Variants in ERICH6B observed in about 807,000 individuals in gnomAD.
The protein encoded by ERICH6B is glutamate rich 6B, also known as glutamate-rich protein 6B.
In ERICH6B, 69 loss-of-function variants were observed where a neutral mutation model predicts 80.0. The ratio of observed to expected loss-of-function variants is 0.86; its 90% CI spans 0.71 to 1.05. The LOEUF (loss-of-function observed/expected upper bound fraction) is 1.05. Ranked by LOEUF, ERICH6B falls within the 50% of genes least tolerant of loss-of-function variation. The pLI, the probability that ERICH6B is intolerant of heterozygous loss-of-function variation, is 0.00. For synonymous variants in ERICH6B, 283 were observed against 291.9 expected (o/e 0.97, Z 0.31); for missense variants, 754 against 796.1 (o/e 0.95, Z 0.64).
At chr13:45,599,085 T>C (rs1041171843) in intron 2 of ERICH6B, among the ~76,000 whole-genome samples, 14 of 152,360 alleles carry the variant, frequency 9.2e-5, no homozygotes, top group African/African-American at 3.4e-4. Context: ...CAGTTGCATC[T>C]CAGCAGTTTG....
intron 8 of ERICH6B, among the ~76,000 whole-genome samples, chr13:45,571,788 A>G (rs1318516305): frequency 6.6e-6 from 1 of 152,186 alleles, no homozygotes; most frequent in Non-Finnish European, 1.5e-5. Context: ...CTTTACAGCC[A>G]GGGGAAATGT....
At chr13:45,550,453 C>T (rs932545599) in intron 11 of ERICH6B, 137 bp from the exon 12 acceptor site, 13 of 652,680 alleles carry the variant, frequency 2.0e-5, no homozygotes, top group African/African-American at 1.8e-4. Context: ...TGGGGAGCTG[C>T]GGGGCTTCAG....
intron 3 of ERICH6B, 128 bp from the exon 4 acceptor site, chr13:45,590,825 T>C: frequency 2.8e-6 from 2 of 707,354 alleles, no homozygotes; most frequent in South Asian, 2.0e-5. Context: ...TTTTCTTTAG[T>C]ATTGTCTCTT....
At chr13:45,603,213 C>T (rs1008484294) in intron 2 of ERICH6B, among the ~76,000 whole-genome samples, 5 of 152,224 alleles carry the variant, frequency 3.3e-5, no homozygotes, top group Non-Finnish European at 7.3e-5. Context: ...GTGGCTTGGA[C>T]AATGCCCACC....
At chr13:45,587,565 T>C (rs1427156813) in intron 4 of ERICH6B, among the ~76,000 whole-genome samples, 1 of 152,226 alleles carries the variant, frequency 6.6e-6, no homozygotes. Flanking sequence ...TTCTAGTGCC[T>C]TTCCCTACCT....
rs962311722 is a variant in ERICH6B, at chr13:45,597,085, A to T, written c.-58-22T>A. ...TATCCTGTATCCAAGAAAGGAATAA[A>T]ATCCTATTAGCCAGTAATAGCAAAT... On this transcript the variant is annotated intron_variant, in intron 2 of 14. Coordinates refer to ENST00000298738, the MANE Select transcript of ERICH6B (RefSeq NM_182542.3). 3.5e-6 allele frequency: 5 copies of T among 1,423,148 alleles called. No homozygotes were observed. In the African/African-American group the frequency reaches 7.2e-5, roughly 21 times the overall value. 88.2% of individuals were successfully genotyped at this position (1,423,148 alleles called of 1,614,324 possible).
chr13:45,563,709 T>C lies in ERICH6B; in HGVS notation c.1249+18A>G, dbSNP rs930811257. 3.2e-6 allele frequency: 5 copies of C among 1,548,000 alleles called. No homozygotes were observed. The highest frequency in any genetic ancestry group is 2.4e-5 in the East Asian group (1 of 40,922). On this transcript the variant is annotated intron_variant, in intron 10 of 14. Transcript: ENST00000298738. ...AGGAGAGCCAGCACGTGGTGGAAAATGGTGGAGTGGTGCCTACCTTCACGT... is the reference window on the plus strand; with the variant it reads ...AGGAGAGCCAGCACGTGGTGGAAAACGGTGGAGTGGTGCCTACCTTCACGT...
At chr13:45,599,913 C>A (rs964618264) in intron 2 of ERICH6B, among the ~76,000 whole-genome samples, 2 of 152,216 alleles carry the variant, frequency 1.3e-5, no homozygotes, top group Non-Finnish European at 2.9e-5. Context: ...GAAGCTGTGC[C>A]TGCAGTTGGC....
At chr13:45,615,014 C>A (rs1949919814) in intron 1 of ERICH6B, among the ~76,000 whole-genome samples, 1 of 152,240 alleles carries the variant, frequency 6.6e-6, no homozygotes. Context: ...ATTACAACAT[C>A]ATTTCCTAGG....
intron 2 of ERICH6B, among the ~76,000 whole-genome samples, chr13:45,602,751 G>A (rs2138030593): frequency 6.6e-6 from 1 of 152,256 alleles, no homozygotes; most frequent in South Asian, 2.1e-4. Flanking sequence ...CACCAGGAGA[G>A]CAGTCTGGCT....
Position 45,590,705 on chromosome 13 carries a change from A to G in ERICH6B, c.638-8T>C. ...AATAACTTGCCTTGGGTTCTATTGG[A>G]AAAAAGAATAAAAAAGCAATATTGG... On this transcript the variant is annotated splice_region_variant and splice_polypyrimidine_tract_variant and intron_variant, in intron 3 of 14. Transcript: ENST00000298738. 1 of 1,547,778 alleles carries G rather than the reference A, an allele frequency of 6.5e-7. No individual in the cohort carries two copies. The highest frequency in any genetic ancestry group is 8.7e-7 in the Non-Finnish European group (1 of 1,145,522).
At chr13:45,558,863 T>G (rs953544555) in intron 11 of ERICH6B, among the ~76,000 whole-genome samples, 2 of 152,244 alleles carry the variant, frequency 1.3e-5, no homozygotes, top group Non-Finnish European at 2.9e-5. Flanking sequence ...TTTACATCTA[T>G]GTTCACCAGG....
At chr13:45,591,750 C>T (rs1232556629) in intron 3 of ERICH6B, among the ~76,000 whole-genome samples, 1 of 152,044 alleles carries the variant, frequency 6.6e-6, no homozygotes, top group East Asian at 1.9e-4. Context: ...CAACAAGGAC[C>T]ATCACTACCA....
chr13:45,569,583 A>C (rs1429217866), intron 8 of ERICH6B, among the ~76,000 whole-genome samples: 5 of 152,212 alleles, frequency 3.3e-5, no homozygotes, highest in Non-Finnish European at 5.9e-5. Flanking sequence ...GGGATCGGTC[A>C]TGTTCCCTGT....
intron 2 of ERICH6B, among the ~76,000 whole-genome samples, chr13:45,604,057 C>G (rs150530702): frequency 1.4e-3 from 217 of 152,240 alleles, no homozygotes; most frequent in African/African-American, 5.1e-3. Context: ...GCCAAGAGCT[C>G]TCTACACAGG....
At chr13:45,580,058 A>G (rs1875592211) in intron 6 of ERICH6B, 84 bp from the exon 7 acceptor site, 1 of 1,133,794 alleles carries the variant, frequency 8.8e-7, no homozygotes. Context: ...GAATCAATTT[A>G]AAAATCATCT....
At chr13:45,578,260 A>G (rs1875507032) in intron 7 of ERICH6B, among the ~76,000 whole-genome samples, 1 of 152,090 alleles carries the variant, frequency 6.6e-6, no homozygotes, top group Admixed American at 6.5e-5. Context: ...CATGCCCCTG[A>G]TGTTTCCTCT....
intron 14 of ERICH6B, 85 bp from the exon 15 acceptor site, chr13:45,541,765 G>T (rs1226232635): frequency 5.4e-6 from 7 of 1,285,498 alleles, no homozygotes; most frequent in Non-Finnish European, 7.6e-6. Flanking sequence ...CCTGTGGCCA[G>T]GACCAAGCGT....
intron 8 of ERICH6B, among the ~76,000 whole-genome samples, chr13:45,569,633 G>A (rs1449366950): frequency 6.6e-6 from 1 of 152,192 alleles, no homozygotes; most frequent in Non-Finnish European, 1.5e-5. Context: ...GTTGTTCAAT[G>A]TATGATCATG....
Sources: allele counts gnomAD v4.1 joint callset (sites outside exome capture counted in the v4.1 genomes callset), GRCh38; gene constraint gnomAD v4.1.1; transcripts MANE v1.5; gene names NCBI Gene and HGNC (gene_info 2026-07-23, HGNC 2026-07-21).